CUX1: variants seen among roughly 807,000 people sequenced by gnomAD.
The protein encoded by CUX1 is cut like homeobox 1.
CUX1 carries 31 observed loss-of-function variants against 158.8 expected under a neutral mutation model. That is an observed-to-expected ratio of 0.20 (90% CI 0.15 to 0.26). CUX1 has a LOEUF of 0.26. Ranked by LOEUF, CUX1 falls within the 10% of genes least tolerant of loss-of-function variation. The pLI is 1.00. For missense variants in CUX1, 1,589 were observed against 2,014.6 expected, an observed-to-expected ratio of 0.79 and a Z score of 4.04; for synonymous variants, 879 against 862.1, an observed-to-expected ratio of 1.02 and a Z score of -0.34.
chr7:102,271,131 C>T lies in CUX1; in HGVS notation c.1256-2235C>T, dbSNP rs192664937. On this transcript the variant is annotated intron_variant, in intron 14 of 22. Coordinates refer to the CUX1 transcript ENST00000292538. ...GCACACCTCCAGGGAAAAGGGCTCA[C>T]TCTGGCCAGGCAAAAGTCACCTCTG... Among the ~76,000 whole-genome samples the T allele has an allele frequency of 2.6e-5, 4 of 152,322 alleles. No individual in the cohort carries two copies. The East Asian group carries it at 7.7e-4, about 29-fold the overall frequency.
intron 8 of CUX1, among the ~76,000 whole-genome samples, chr7:102,139,905 G>A (rs1554499768): frequency 6.6e-6 from 1 of 151,926 alleles, no homozygotes; most frequent in East Asian, 1.9e-4. Context: ...CGATCCTCCA[G>A]CAGTCCTCCC....
intron 4 of CUX1, among the ~76,000 whole-genome samples, chr7:102,077,269 A>AGGTGGG (rs1826861748): frequency 6.6e-6 from 1 of 151,848 alleles, no homozygotes; most frequent in South Asian, 2.1e-4. Context: ...GACAGGAAGG[A>AGGTGGG]GACCAGCAGG....
chr7:102,067,768 G>T (rs892201865), intron 3 of CUX1, among the ~76,000 whole-genome samples: 2 of 151,846 alleles, frequency 1.3e-5, no homozygotes. Flanking sequence ...GGCAAGGCAT[G>T]GTGGCTCATG....
chr7:102,070,516 A>G (rs1826010467), intron 4 of CUX1, 99 bp downstream of exon 4: 1 of 856,196 alleles, frequency 1.2e-6, no homozygotes, highest in African/African-American at 1.7e-5. Context: ...AGGAAAATAA[A>G]TACACCATCA....
intron 2 of CUX1, among the ~76,000 whole-genome samples, chr7:101,985,383 T>A (rs1471369081): frequency 6.6e-6 from 1 of 152,140 alleles, no homozygotes; most frequent in Admixed American, 6.5e-5. Context: ...GTAGCTAGCC[T>A]GGCATGGTGT....
downstream of CUX1, among the ~76,000 whole-genome samples, chr7:102,259,751 A>G (rs1290764724): frequency 3.6e-5 from 1 of 27,756 alleles, no homozygotes; most frequent in African/African-American, 6.8e-5. Context: ...TAAAAAAAAA[A>G]AAAAAAGAAA....
chr7:102,128,674 C>T (rs117967901), intron 8 of CUX1, among the ~76,000 whole-genome samples: 1 of 151,768 alleles, frequency 6.6e-6, no homozygotes, highest in Non-Finnish European at 1.5e-5. Flanking sequence ...CTTACTCAGA[C>T]CTTAGTATTT....
chr7:102,202,213 T>G lies in CUX1; in HGVS notation c.2907+9T>G. The G allele has an allele frequency of 6.3e-7, 1 of 1,592,402 alleles. No homozygotes were observed. The highest frequency in any genetic ancestry group is 8.6e-7 in the Non-Finnish European group (1 of 1,167,262). The stretch of plus-strand genomic sequence containing the variant: ...GAATCTTCGGGGAGAAGGTAAGGGA[T>G]CTGCTCTGGGGGCTTTGGTTCTCCC... On this transcript the variant is annotated intron_variant, in intron 18 of 23. Transcript: ENST00000292535.
intron 10 of CUX1, among the ~76,000 whole-genome samples, chr7:102,176,558 C>CTTT (rs60973137): frequency 1.7e-4 from 15 of 86,730 alleles, no homozygotes; most frequent in Middle Eastern, 7.5e-3. Context: ...GCCAGGATTC[C>CTTT]TTTTTTTTTT....
At chr7:102,110,181 TATTAC>T (rs1830735378) in intron 6 of CUX1, among the ~76,000 whole-genome samples, 1 of 152,236 alleles carries the variant, frequency 6.6e-6, no homozygotes, top group African/African-American at 2.4e-5. Flanking sequence ...CACTATAGTA[TATTAC>T]ATTACTTCAT....
At chr7:101,939,851 G>C (rs1807479209) in intron 2 of CUX1, among the ~76,000 whole-genome samples, 1 of 152,030 alleles carries the variant, frequency 6.6e-6, no homozygotes, top group Non-Finnish European at 1.5e-5. Flanking sequence ...GGGAGGCCAA[G>C]GTGGGTGGAT....
chr7:102,146,326 C>T (rs1327921662), intron 8 of CUX1, among the ~76,000 whole-genome samples: 2 of 152,194 alleles, frequency 1.3e-5, no homozygotes, highest in Admixed American at 6.5e-5. Context: ...TTCCCGATCA[C>T]GCTGGGGTCA....
intron 1 of CUX1, among the ~76,000 whole-genome samples, chr7:101,902,402 G>A (rs776212822): frequency 7.2e-5 from 11 of 152,272 alleles, no homozygotes; most frequent in South Asian, 4.2e-4. Context: ...GTCTCTACCC[G>A]CCCCAGCAAA....
At chr7:102,186,399 A>G (rs946224721) in intron 11 of CUX1, among the ~76,000 whole-genome samples, 17 of 152,100 alleles carry the variant, frequency 1.1e-4, no homozygotes, top group African/African-American at 4.8e-5. Context: ...TCCTAGTTCA[A>G]CTGCCCCTAG....
At chr7:102,267,888 A>T (rs542629059) in intron 14 of CUX1, among the ~76,000 whole-genome samples, 31 of 152,098 alleles carry the variant, frequency 2.0e-4, no homozygotes, top group African/African-American at 4.3e-4. Flanking sequence ...TGCTGGTCTC[A>T]AACACCTGAG....
intron 3 of CUX1, among the ~76,000 whole-genome samples, chr7:102,063,911 T>C (rs574204605): frequency 6.6e-6 from 1 of 152,296 alleles, no homozygotes; most frequent in Admixed American, 6.5e-5. Context: ...TTATCTGTCA[T>C]CCTAGAACTC....
intron 2 of CUX1, among the ~76,000 whole-genome samples, chr7:101,949,816 G>A (rs1199784047): frequency 6.6e-6 from 1 of 151,978 alleles, no homozygotes; most frequent in Non-Finnish European, 1.5e-5. Flanking sequence ...ACAGGCATGA[G>A]CCACCACGCC....
intron 8 of CUX1, among the ~76,000 whole-genome samples, chr7:102,146,947 G>A (rs1554502249): frequency 6.6e-6 from 1 of 152,052 alleles, no homozygotes; most frequent in African/African-American, 2.4e-5. Flanking sequence ...TTAGTATAAT[G>A]GTAATCTACA....
chr7:101,927,318 GTC>G (rs1444036357), intron 2 of CUX1, among the ~76,000 whole-genome samples: 2 of 152,136 alleles, frequency 1.3e-5, no homozygotes, highest in Non-Finnish European at 2.9e-5. Context: ...GTCAGATTCA[GTC>G]TCTCTGCTTT....
Sources: allele counts gnomAD v4.1 joint callset (sites outside exome capture counted in the v4.1 genomes callset), GRCh38; gene constraint gnomAD v4.1.1; transcripts MANE v1.5; gene names NCBI Gene and HGNC (gene_info 2026-07-23, HGNC 2026-07-21).